UNC13C: variants seen among roughly 807,000 people sequenced by gnomAD.
UNC13C encodes unc-13 homolog C.
UNC13C carries 174 observed loss-of-function variants against 245.4 expected under a neutral mutation model. The ratio of observed to expected loss-of-function variants is 0.71; its 90% CI spans 0.63 to 0.80. UNC13C has a LOEUF of 0.80. UNC13C is among the 30% of genes least tolerant of loss of function. The pLI, the probability that UNC13C is intolerant of heterozygous loss-of-function variation, is 0.00. For missense variants in UNC13C, 2,829 were observed against 2,602.9 expected (o/e 1.09, Z -1.89); for synonymous variants, 992 against 895.1 (o/e 1.11, Z -1.93).
At chr15:54,379,580 T>C (rs2039677182) in intron 17 of UNC13C, among the ~76,000 whole-genome samples, 1 of 152,166 alleles carries the variant, frequency 6.6e-6, no homozygotes, top group African/African-American at 2.4e-5. Flanking sequence ...AGAGCAGTGC[T>C]ATGTATGTAA....
At chr15:54,335,793 T>A (rs368490062) in intron 16 of UNC13C, among the ~76,000 whole-genome samples, 1 of 152,192 alleles carries the variant, frequency 6.6e-6, no homozygotes, top group East Asian at 1.9e-4. Context: ...TTTACAATTT[T>A]GGTTTCTTAC....
Position 54,045,907 on chromosome 15 carries a change from T to C in UNC13C, c.2983+30021T>C, listed in dbSNP as rs1897017050. Among the ~76,000 whole-genome samples, 4 of 152,314 alleles carry C rather than the reference T, an allele frequency of 2.6e-5. No individual in the cohort carries two copies. In the South Asian group the frequency reaches 8.3e-4, roughly 32 times the overall value. Reference sequence around the variant, plus strand: ...TTACATGTATTAATTGGCACTCTTCTATAAAGAAGATTTTATCATCTCCTT... The same window carrying C: ...TTACATGTATTAATTGGCACTCTTCCATAAAGAAGATTTTATCATCTCCTT... On this transcript the variant is annotated intron_variant, in intron 2 of 32. Transcript: ENST00000260323.
intron 2 of UNC13C, among the ~76,000 whole-genome samples, chr15:54,055,957 A>T (rs1003160961): frequency 3.3e-5 from 5 of 152,204 alleles, no homozygotes; most frequent in African/African-American, 1.2e-4. Context: ...CATCTACTGG[A>T]TACCTTCCAT....
chr15:53,992,688 T>G (rs2140962225), intron 1 of UNC13C, among the ~76,000 whole-genome samples: 1 of 152,232 alleles, frequency 6.6e-6, no homozygotes, highest in East Asian at 1.9e-4. Flanking sequence ...TTTATAACTC[T>G]TATGATTAAT....
intron 19 of UNC13C, among the ~76,000 whole-genome samples, chr15:54,432,362 TG>T (rs1019769028): frequency 6.6e-6 from 1 of 151,664 alleles, no homozygotes. Flanking sequence ...AAGTGATTTT[TG>T]TGCCAAGATT....
At chr15:54,279,379 T>C (rs974015061) in intron 10 of UNC13C, among the ~76,000 whole-genome samples, 2 of 152,224 alleles carry the variant, frequency 1.3e-5, no homozygotes, top group African/African-American at 4.8e-5. Context: ...TCCTTGGTGA[T>C]TAGTACAATC....
intron 26 of UNC13C, among the ~76,000 whole-genome samples, chr15:54,534,535 A>C (rs929339964): frequency 5.3e-5 from 8 of 152,228 alleles, no homozygotes; most frequent in African/African-American, 1.9e-4. Flanking sequence ...AGAGTGTCTT[A>C]CTACCTCCAA....
At chr15:54,223,142 T>C (rs1312902359) in intron 4 of UNC13C, among the ~76,000 whole-genome samples, 3 of 152,136 alleles carry the variant, frequency 2.0e-5, no homozygotes, top group Non-Finnish European at 2.9e-5. Context: ...CCTGTACTTA[T>C]GGGATATTAC....
At chr15:54,590,775 G>T (rs1350056186) in intron 30 of UNC13C, among the ~76,000 whole-genome samples, 1 of 152,084 alleles carries the variant, frequency 6.6e-6, no homozygotes, top group Admixed American at 6.6e-5. Flanking sequence ...CTATTTAGAT[G>T]TCCTTTATTT....
chr15:54,155,959 G>A (rs2032726410), intron 4 of UNC13C, among the ~76,000 whole-genome samples: 1 of 152,204 alleles, frequency 6.6e-6, no homozygotes, highest in African/African-American at 2.4e-5. Context: ...GTTGGGAAAT[G>A]TAAGTTGAAA....
In UNC13C at chr15:54,119,653, G is replaced by A. The variant is rs1352408201; in HGVS notation, c.2984-23365G>A. 2.6e-5 allele frequency among the ~76,000 whole-genome samples: 4 copies of A among 152,096 alleles called. 1 individual carries two copies. Among genetic ancestry groups the A allele is most frequent in the South Asian group, 4.1e-4 (2 of 4,828 alleles). ...AAAACTAGAAATGATTAAGCTTAGC[G>A]GGGAAGGCATGTCGAAAGTCAATAG... On this transcript the variant is annotated intron_variant, in intron 2 of 32. Coordinates refer to ENST00000260323, the MANE Select transcript of UNC13C (RefSeq NM_001080534.3).
chr15:54,529,837 T>C (rs1270583535), intron 25 of UNC13C, among the ~76,000 whole-genome samples: 1 of 152,132 alleles, frequency 6.6e-6, no homozygotes, highest in Admixed American at 6.5e-5. Flanking sequence ...TGATCTTCAT[T>C]CTCCTAAGTA....
chr15:54,250,757 T>TTC (rs1353383800), intron 8 of UNC13C, among the ~76,000 whole-genome samples: 2 of 49,982 alleles, frequency 4.0e-5, no homozygotes, highest in African/African-American at 3.1e-4. Flanking sequence ...TTCTTTTTTT[T>TTC]TTTTTTTTTT....
chr15:54,500,977 A>G lies in UNC13C; in HGVS notation c.5300A>G (p.Lys1767Arg). The change falls in exon 22 of 33, where the codon AAG becomes AGG. Residue 1767 changes from lysine (K) to arginine (R), a missense_variant and splice_region_variant. Transcript: ENST00000260323. ...TCTCACTTAATGAGAAGATTTGCAA[A>G]GGTAGGTTAAATAAAATGAGTCTTC... ...ALSHLMRRFA[K>R]TINKVLLQYA... 1 of 1,611,708 alleles carries G rather than the reference A, an allele frequency of 6.2e-7. No homozygotes were observed. The highest frequency in any genetic ancestry group is 2.2e-5 in the East Asian group (1 of 44,840).
chr15:54,467,430 TTTA>T (rs1892238513), intron 19 of UNC13C, among the ~76,000 whole-genome samples: 1 of 151,852 alleles, frequency 6.6e-6, no homozygotes, highest in African/African-American at 2.4e-5. Context: ...TTTCATCAAT[TTTA>T]TTATTGTTTT....
At chr15:53,863,288 G>A in the UNC13C span, among the ~76,000 whole-genome samples, 79 of 152,194 alleles carry the variant, frequency 5.2e-4, no homozygotes, top group African/African-American at 1.7e-3. Flanking sequence ...TGTCTGGGGC[G>A]GCAGAGTCAT....
chr15:54,009,935 TA>T (rs1479503199), intron 1 of UNC13C, among the ~76,000 whole-genome samples: 1 of 152,172 alleles, frequency 6.6e-6, no homozygotes, highest in Non-Finnish European at 1.5e-5. Flanking sequence ...TGGGATTTCT[TA>T]AATTTCAAAA....
At chr15:53,918,919 A>G in the UNC13C span, among the ~76,000 whole-genome samples, 2 of 152,232 alleles carry the variant, frequency 1.3e-5, no homozygotes, top group Non-Finnish European at 2.9e-5. Flanking sequence ...CAGTCACAGC[A>G]TATATGCTTT....
chr15:54,621,246 T>C (rs1010474156), intron 30 of UNC13C, among the ~76,000 whole-genome samples: 24 of 152,200 alleles, frequency 1.6e-4, no homozygotes, highest in African/African-American at 5.8e-4. Context: ...ATTAATCTAA[T>C]ACATTGCAAA....
Sources: allele counts gnomAD v4.1 joint callset (sites outside exome capture counted in the v4.1 genomes callset), GRCh38; gene constraint gnomAD v4.1.1; transcripts MANE v1.5; gene names NCBI Gene and HGNC (gene_info 2026-07-23, HGNC 2026-07-21).